The following PLEKHG4B variants were observed in gnomAD, a reference collection of about 807,000 sequenced individuals.
PLEKHG4B encodes the protein pleckstrin homology and RhoGEF domain containing G4B, also known as pleckstrin homology domain-containing family G member 4B.
PLEKHG4B carries 111 observed loss-of-function variants against 121.3 expected under a neutral mutation model. The observed-to-expected ratio is 0.92, with a 90% CI of 0.78 to 1.07. The LOEUF is 1.07. Ranked by LOEUF, PLEKHG4B falls within the 50% of genes least tolerant of loss-of-function variation. The pLI, the probability that PLEKHG4B is intolerant of heterozygous loss-of-function variation, is 0.00. For missense variants in PLEKHG4B, 1,831 were observed against 1,757.8 expected (o/e 1.04, Z -0.74); for synonymous variants, 738 against 725.0 (o/e 1.02, Z -0.29).
chr5:100,137 A>G (rs952102180), intron 1 of PLEKHG4B, among the ~76,000 whole-genome samples: 3 of 152,166 alleles, frequency 2.0e-5, no homozygotes, highest in Non-Finnish European at 2.9e-5. Context: ...TGTTTTGTGG[A>G]AGATTTAGAA....
intron 2 of PLEKHG4B, among the ~76,000 whole-genome samples, chr5:133,438 GA>G (rs907688511): frequency 2.0e-5 from 3 of 148,958 alleles, no homozygotes; most frequent in African/African-American, 7.4e-5. Context: ...AAATCAGCAA[GA>G]AAAAAAAACA....
At chr5:142,674 T>C (rs1735256673) in intron 3 of PLEKHG4B, among the ~76,000 whole-genome samples, 1 of 151,948 alleles carries the variant, frequency 6.6e-6, no homozygotes, top group Non-Finnish European at 1.5e-5. Context: ...CCTCACACAA[T>C]CACACGTGCC....
At chr5:125,299 A>AT (rs928591897) in intron 2 of PLEKHG4B, among the ~76,000 whole-genome samples, 2 of 151,914 alleles carry the variant, frequency 1.3e-5, no homozygotes, top group Admixed American at 6.6e-5. Context: ...TGTTTAGTTG[A>AT]TTTTTTGTAG....
intron 16 of PLEKHG4B, among the ~76,000 whole-genome samples, chr5:172,535 A>C (rs1415828994): frequency 1.3e-5 from 2 of 152,218 alleles, no homozygotes; most frequent in African/African-American, 4.8e-5. Context: ...CATAAATCGC[A>C]ACAAGGTTTA....
At chr5:155,304 G>A (rs780425948) in intron 8 of PLEKHG4B, 41 bp from the exon 9 acceptor site, 2 of 1,529,638 alleles carry the variant, frequency 1.3e-6, no homozygotes, top group East Asian at 4.5e-5. Flanking sequence ...GCATTTAACA[G>A]ACTGTGTTCT....
intron 6 of PLEKHG4B, among the ~76,000 whole-genome samples, chr5:149,177 T>C (rs905166530): frequency 1.3e-5 from 2 of 152,170 alleles, no homozygotes; most frequent in Non-Finnish European, 2.9e-5. Context: ...TTATTAGATA[T>C]AATATCAGAG....
At chr5:168,116 G>A (rs1736412182) in intron 13 of PLEKHG4B, among the ~76,000 whole-genome samples, 2 of 152,152 alleles carry the variant, frequency 1.3e-5, no homozygotes, top group Admixed American at 6.5e-5. Context: ...AGCCACAGAG[G>A]AGCCCACATC....
rs1734218386 is a variant in PLEKHG4B at position 113,496 on chromosome 5, C to A, written c.243+48C>A. The A allele has an allele frequency of 5.0e-6, 2 of 398,960 alleles. No individual in the cohort carries two copies. The highest frequency in any genetic ancestry group is 8.8e-6 in the Non-Finnish European group (2 of 226,066). The allele number at this position is 398,960 out of a possible 1,614,324, so 24.7% of individuals were successfully genotyped here. A position where few individuals can be genotyped will look rare whatever the true frequency, so the allele number is the denominator to read the frequency against. On this transcript the variant is annotated intron_variant, in intron 2 of 19. Transcript: ENST00000637938. This position sits in a 1 kb window ranked among gnomAD's most constrained non-coding sequence, Gnocchi z 5.2. ...TGAGACCGTGGCCAACCTGGAGGAA[C>A]CTGCCCTTTCCCTGGGCAGGGCAGG...
rs558729606 is a variant in PLEKHG4B, at chr5:178,047, G to A, written c.4403-3467G>A. ...GGCTTTCGTCCCTTTTCTGTTGGGG[G>A]AACGTGAGGATGCCCTGTGTGCTTA... On this transcript the variant is annotated intron_variant, in intron 18 of 19. Transcript: ENST00000637938. Among the ~76,000 whole-genome samples, 6 of 152,210 alleles carry A rather than the reference G, an allele frequency of 3.9e-5. No individual in the cohort carries two copies. The East Asian group carries it at 1.2e-3, about 29-fold the overall frequency.
intron 12 of PLEKHG4B, among the ~76,000 whole-genome samples, chr5:162,276 C>T (rs750962728): frequency 2.7e-4 from 19 of 70,766 alleles, no homozygotes; most frequent in Non-Finnish European, 4.0e-4. Context: ...CTCCCACGCG[C>T]CCCAGACCGC....
Position 171,320 on chromosome 5 carries a change from A to G in PLEKHG4B, c.3926A>G (p.Glu1309Gly). The change falls in exon 16 of 20, where the codon GAG (glutamate) becomes GGG (glycine). Residue 1309 changes from glutamate to glycine, a missense_variant. Glu to Gly is a moderately conservative substitution (Grantham distance 98, BLOSUM62 -2). Transcript: ENST00000637938. ...CTGCTACTCCAGGACCTGCTCAAGG[A>G]GGCCAGCTGTGGCCTGGCCCAGGGG... ...YALLLQDLLK[E>G]ASCGLAQGQE... is the part of the protein sequence containing the mutation. 6.2e-7 allele frequency: 1 copy of G among 1,612,546 alleles called. No homozygotes were observed. Among genetic ancestry groups the G allele is most frequent in the Non-Finnish European group, 8.5e-7 (1 of 1,179,788 alleles).
chr5:185,195 G>A lies in PLEKHG4B; in HGVS notation c.*2872G>A, dbSNP rs1038409032. 6 of 152,150 alleles carry A rather than the reference G, an allele frequency of 3.9e-5. No homozygotes were observed. The highest frequency in any genetic ancestry group is 1.3e-4 in the Admixed American group (2 of 15,284). The allele number at this position is 152,150 out of a possible 1,614,324, so 9.4% of individuals were successfully genotyped here. ...TTGGGGGCGACACAGAAGACAAGTGGAGAGAGACTGAAGCAGCCACTGGCC... is the reference window on the plus strand; with the variant it reads ...TTGGGGGCGACACAGAAGACAAGTGAAGAGAGACTGAAGCAGCCACTGGCC... On this transcript the variant is annotated 3_prime_UTR_variant, in exon 20 of 20. Coordinates refer to ENST00000637938, the MANE Select transcript of PLEKHG4B (RefSeq NM_052909.5).
In PLEKHG4B at chr5:99,207, T is replaced by C. The variant is rs1477673268; in HGVS notation, c.45+6931T>C. ...ATATATATATATATATATATATATA[T>C]ATATATTTTGCGATTTTGGGGCCCT... On this transcript the variant is annotated intron_variant, in intron 1 of 19. Coordinates refer to ENST00000637938, the MANE Select transcript of PLEKHG4B (RefSeq NM_052909.5). Among the ~76,000 whole-genome samples the C allele has an allele frequency of 2.4e-3, 287 of 118,046 alleles. 6 individuals carry two copies. The highest frequency in any genetic ancestry group is 8.4e-3 in the African/African-American group (279 of 33,184). 77.4% of individuals were successfully genotyped at this position (118,046 alleles called of 152,430 possible).
chr5:142,415 TCA>T (rs1238000103), intron 3 of PLEKHG4B, among the ~76,000 whole-genome samples: 2 of 151,154 alleles, frequency 1.3e-5, no homozygotes, highest in African/African-American at 4.9e-5. Context: ...GTCACATGCC[TCA>T]CACGATACAC....
intron 11 of PLEKHG4B, among the ~76,000 whole-genome samples, chr5:160,805 G>A (rs913303847): frequency 3.3e-5 from 5 of 152,076 alleles, no homozygotes; most frequent in Admixed American, 6.6e-5. Context: ...TGGAGGCCAG[G>A]CTCCAGCTCT....
chr5:156,000 A>C, intron 9 of PLEKHG4B, 71 bp from the exon 10 acceptor site: 1 of 1,377,372 alleles, frequency 7.3e-7, no homozygotes, highest in South Asian at 1.7e-5. Context: ...CATTCCTGCC[A>C]CTGTCACACT....
chr5:117,304 T>A (rs562143792), intron 2 of PLEKHG4B, among the ~76,000 whole-genome samples: 19 of 152,332 alleles, frequency 1.2e-4, no homozygotes, highest in African/African-American at 3.6e-4. Flanking sequence ...ACAGTTGATA[T>A]AAGTTCAATT....
At chr5:107,335 C>T (rs1734006091) in intron 1 of PLEKHG4B, among the ~76,000 whole-genome samples, 2 of 152,224 alleles carry the variant, frequency 1.3e-5, no homozygotes, top group Non-Finnish European at 2.9e-5. Context: ...CTCCTCTGCT[C>T]TGGGCCCCAT....
In PLEKHG4B at chr5:173,873, G is replaced by C. The variant is rs1465954044; in HGVS notation, c.4222-45G>C. 3 of 1,591,642 alleles carry C rather than the reference G, an allele frequency of 1.9e-6. No homozygotes were observed. In the African/African-American group the frequency reaches 4.0e-5, roughly 21 times the overall value. ...GAATTTGGGTAGCCAGTTGTTCAGA[G>C]ACCATGTTCCTGATGGTGCTGCAAT... is the stretch of plus-strand genomic sequence containing the variant. On this transcript the variant is annotated intron_variant, in intron 17 of 19. Transcript: ENST00000637938.
Sources: allele counts gnomAD v4.1 joint callset (sites outside exome capture counted in the v4.1 genomes callset), GRCh38; gene constraint gnomAD v4.1.1; non-coding constraint Gnocchi (gnomAD v3.1); transcripts MANE v1.5; gene names NCBI Gene and HGNC (gene_info 2026-07-23, HGNC 2026-07-21).